Variants in UBR4 observed in about 807,000 individuals in gnomAD.
UBR4 encodes the protein ubiquitin protein ligase E3 component n-recognin 4, also known as E3 ubiquitin-protein ligase UBR4.
Under a neutral mutation model 575.6 loss-of-function variants are expected in UBR4, and 124 were observed. The observed-to-expected ratio is 0.22, with a 90% CI of 0.19 to 0.25. The LOEUF (loss-of-function observed/expected upper bound fraction) is 0.25. Ranked by LOEUF, UBR4 falls within the 10% of genes least tolerant of loss-of-function variation. The pLI is 1.00. For synonymous variants in UBR4, 2,455 were observed against 2,473.7 expected (o/e 0.99, Z 0.22); for missense variants, 4,818 against 6,478.8 (o/e 0.74, Z 8.80).
In UBR4 at chr1:19,187,482, T is replaced by A; in HGVS notation, c.1453A>T (p.Thr485Ser). The change falls in exon 12 of 106, where the codon ACG (threonine) becomes TCG (serine). Residue 485 changes from threonine (T) to serine (S), a missense_variant. Around this residue, in one of 29 missense-constraint regions of UBR4, gnomAD observed 162 missense variants for 216.4 expected, o/e 0.75. Transcript: ENST00000375254. ...ILANHAIKLLTSLFQDLQVEA... is the reference protein window; with the variant it reads ...ILANHAIKLLSSLFQDLQVEA... ...ACTTGTAGGTCTTGAAAGAGAGACG[T>A]TAGCAGTTTGATGGCATGGTTTGCC... The A allele has an allele frequency of 6.2e-7, 1 of 1,613,980 alleles. No homozygotes were observed. The highest frequency in any genetic ancestry group is 1.1e-5 in the South Asian group (1 of 91,090).
intron 65 of UBR4, 67 bp from the exon 66 acceptor site, chr1:19,123,127 C>G: frequency 6.5e-7 from 1 of 1,531,970 alleles, no homozygotes; most frequent in Non-Finnish European, 8.9e-7. Context: ...CTGTGGCTCT[C>G]ACACCCTGGG....
Position 19,138,032 on chromosome 1 carries a change from C to A in UBR4, c.8881G>T (p.Glu2961Ter). Reference protein sequence around the residue: ...GSEGEGEGETEGDVHTSNRLH... With the variant: ...GSEGEGEGET ...CTGTTGCTAGTGTGGACATCTCCTT[C>A]AGTTTCTCCTTCTCCTTCTCCCTCG... Residue 2961 changes from glutamate to a stop codon, truncating the protein, a stop_gained, in exon 60 of 106, where the codon GAA becomes TAA. Transcript: ENST00000375254. LOFTEE classifies it high-confidence loss of function. The A allele has an allele frequency of 6.4e-7, 1 of 1,571,928 alleles. No homozygotes were observed.
chr1:19,127,631 T>C lies in UBR4; in HGVS notation c.9220A>G (p.Ile3074Val). Reference protein sequence around the residue: ...SRTKSGSKSSICESSSLISSA... With the variant: ...SRTKSGSKSSVCESSSLISSA... ...ACCCAAAGCAAAAATACCTCACATA[T>C]GGAAGACTTGGATCCAGATTTGGTG... The change falls in exon 63 of 106, where the codon ATA becomes GTA. Residue 3074 changes from isoleucine to valine, a missense_variant. Physicochemically the swap from Ile to Val is conservative, Grantham distance 29 (BLOSUM62 3). Coordinates refer to ENST00000375254, the MANE Select transcript of UBR4 (RefSeq NM_020765.3). 1 of 1,614,038 alleles carries C rather than the reference T, an allele frequency of 6.2e-7. No homozygotes were observed. The highest frequency in any genetic ancestry group is 2.2e-5 in the East Asian group (1 of 44,886).
chr1:19,196,661 A>G (rs964196372), intron 8 of UBR4, among the ~76,000 whole-genome samples: 16 of 152,332 alleles, frequency 1.1e-4, no homozygotes, highest in African/African-American at 3.8e-4. Flanking sequence ...ATAAACAGAT[A>G]CCACCTGTTC....
At chr1:19,137,799 A>G (rs1290257202) in intron 60 of UBR4, among the ~76,000 whole-genome samples, 2 of 152,218 alleles carry the variant, frequency 1.3e-5, no homozygotes, top group African/African-American at 4.8e-5. Context: ...ACCACTTTCT[A>G]TTCTCTCCGT....
At chr1:19,192,108 G>A in intron 11 of UBR4, 80 bp downstream of exon 11, 1 of 1,501,530 alleles carries the variant, frequency 6.7e-7, no homozygotes, top group Non-Finnish European at 8.9e-7. Flanking sequence ...CTATTGATAT[G>A]AAGTCATACT....
In UBR4 at chr1:19,190,312, A is replaced by AAAAAAAAAAATAT; in HGVS notation, c.1394+1875_1394+1876insATATTTTTTTTTT. Among the ~76,000 whole-genome samples the AAAAAAAAAAATAT allele has an allele frequency of 2.0e-4, 16 of 79,912 alleles. 1 individual carries two copies. Among genetic ancestry groups the AAAAAAAAAAATAT allele is most frequent in the African/African-American group, 2.7e-4 (5 of 18,784 alleles). 52.4% of individuals were successfully genotyped at this position (79,912 alleles called of 152,430 possible). A position where few individuals can be genotyped will look rare whatever the true frequency, so the allele number is the denominator to read the frequency against. On this transcript the variant is annotated intron_variant, in intron 11 of 105. Transcript: ENST00000375254. ...TGCCTCAAAAAAAAAAAAAAAAAAA[A>AAAAAAAAAAATAT]ATATATATATATATATATTTGTATG...
intron 35 of UBR4, 144 bp from the exon 36 acceptor site, chr1:19,162,041 C>G: frequency 2.1e-6 from 2 of 952,728 alleles, no homozygotes; most frequent in East Asian, 5.2e-5. Flanking sequence ...CTGGAAATAG[C>G]TAGCTGGCTG....
intron 44 of UBR4, among the ~76,000 whole-genome samples, 172 bp downstream of exon 44, chr1:19,154,746 T>C (rs974667335): frequency 2.0e-5 from 3 of 152,134 alleles, no homozygotes; most frequent in Admixed American, 6.5e-5. Flanking sequence ...CAACCCAACC[T>C]GCCAAACCCG....
chr1:19,198,996 T>C, intron 3 of UBR4, 68 bp from the exon 4 acceptor site: 1 of 1,556,584 alleles, frequency 6.4e-7, no homozygotes, highest in South Asian at 1.2e-5. Flanking sequence ...ATTCTACTCT[T>C]TTGGAAATTC....
chr1:19,206,220 G>GT (rs2093000402), intron 1 of UBR4, among the ~76,000 whole-genome samples: 3 of 152,190 alleles, frequency 2.0e-5, no homozygotes, highest in Non-Finnish European at 4.4e-5. Flanking sequence ...GCTAGCTACT[G>GT]TAACTACTCA....
At chr1:19,101,489 C>A (rs200843638) in intron 88 of UBR4, 31 bp downstream of exon 88, 15 of 1,585,278 alleles carry the variant, frequency 9.5e-6, no homozygotes, top group South Asian at 7.8e-5. Context: ...TGCTGACACT[C>A]GAGAGCCATG....
chr1:19,198,481 C>T, intron 5 of UBR4, 60 bp downstream of exon 5: 2 of 1,565,078 alleles, frequency 1.3e-6, no homozygotes, highest in Admixed American at 3.7e-5. Context: ...TTTTTCTCCC[C>T]TAGTGTTATC....
intron 92 of UBR4, among the ~76,000 whole-genome samples, chr1:19,096,096 G>A (rs1434922281): frequency 6.6e-6 from 1 of 152,056 alleles, no homozygotes. Context: ...GAGTGGGGGT[G>A]GGGAGTAGTG....
intron 8 of UBR4, among the ~76,000 whole-genome samples, chr1:19,194,988 C>T (rs986743212): frequency 1.3e-5 from 2 of 151,322 alleles, no homozygotes; most frequent in African/African-American, 2.4e-5. Context: ...TGGCCAGGCA[C>T]GGTGGCTCAC....
Position 19,203,082 on chromosome 1 carries a change from G to GA in UBR4, c.177-1268dup, listed in dbSNP as rs1036984893. ...GGTGACAGCGAGACTCCGTCTCAGA[G>GA]AAAAAAAAAAAGAAAGAAACATGAA... On this transcript the variant is annotated intron_variant, in intron 1 of 105. Transcript: ENST00000375254. Among the ~76,000 whole-genome samples, 467 of 136,426 alleles carry GA rather than the reference G, an allele frequency of 3.4e-3. 3 individuals are homozygous for GA. Among genetic ancestry groups the GA allele is most frequent in the African/African-American group, 0.011 (413 of 37,230 alleles). 89.5% of individuals were successfully genotyped at this position (136,426 alleles called of 152,430 possible). A position where few individuals can be genotyped will look rare whatever the true frequency, so the allele number is the denominator to read the frequency against.
chr1:19,173,712 AC>A, intron 22 of UBR4, 91 bp from the exon 23 acceptor site: 1 of 1,265,446 alleles, frequency 7.9e-7, no homozygotes, highest in Non-Finnish European at 1.1e-6. Flanking sequence ...CAACTTTTAA[AC>A]CAGAACTGTA....
At chr1:19,208,954 G>T (rs537273901) in intron 1 of UBR4, among the ~76,000 whole-genome samples, 10 of 152,160 alleles carry the variant, frequency 6.6e-5, no homozygotes, top group Admixed American at 3.3e-4. Flanking sequence ...AACATTCCTG[G>T]CCTGATGATT....
chr1:19,118,702 T>C (rs1262474894), intron 71 of UBR4, 170 bp downstream of exon 71: 1 of 646,458 alleles, frequency 1.5e-6, no homozygotes, highest in Non-Finnish European at 2.7e-6. Context: ...TTTGAGTACC[T>C]TCTATTTGCA....
Sources: gnomAD v4.1 joint callset for allele counts (sites outside exome capture counted in the v4.1 genomes callset) on GRCh38, gnomAD v4.1.1 for gene constraint, gnomAD v4.1.1 regional missense constraint, MANE v1.5 for transcripts, NCBI Gene and HGNC (gene_info 2026-07-23, HGNC 2026-07-21) for gene names.